C6: variants seen among roughly 807,000 people sequenced by gnomAD.
The protein encoded by C6 is complement C6.
Under a neutral mutation model 112.9 loss-of-function variants are expected in C6, and 101 were observed. The ratio of observed to expected loss-of-function variants is 0.89; its 90% CI spans 0.76 to 1.06. The LOEUF (loss-of-function observed/expected upper bound fraction) is 1.06, where lower values mean the gene tolerates loss of function less well. C6 is among the 50% of genes least tolerant of loss of function. The probability of loss-of-function intolerance (pLI) is 0.00; values close to 1 mark genes in which losing one functional copy is unlikely to be tolerated. For synonymous variants in C6, 431 were observed against 384.1 expected, an observed-to-expected ratio of 1.12 and a Z score of -1.43; for missense variants, 1,202 against 1,104.6, an observed-to-expected ratio of 1.09 and a Z score of -1.25.
intron 1 of C6, among the ~76,000 whole-genome samples, chr5:41,211,701 A>C (rs1365854429): frequency 6.6e-6 from 1 of 152,164 alleles, no homozygotes; most frequent in Non-Finnish European, 1.5e-5. Context: ...CCTTTTCAGC[A>C]AGAAAAACTA....
At chr5:41,148,728 G>A (rs1404718505) in intron 17 of C6, among the ~76,000 whole-genome samples, 1 of 152,182 alleles carries the variant, frequency 6.6e-6, no homozygotes, top group African/African-American at 2.4e-5. Flanking sequence ...GGTTCATGTG[G>A]GATGCTGTCT....
chr5:41,208,441 T>C (rs1319048509), intron 1 of C6, among the ~76,000 whole-genome samples: 1 of 152,056 alleles, frequency 6.6e-6, no homozygotes, highest in Non-Finnish European at 1.5e-5. Flanking sequence ...AGCTGGTTTT[T>C]TGAAAAGATT....
chr5:41,233,944 C>T (rs7443270), intron 1 of C6, among the ~76,000 whole-genome samples: 106,413 of 151,866 alleles, frequency 0.7, 37,410 homozygotes, highest in African/African-American at 0.73. Context: ...TATCAAATAT[C>T]GCTTAAATGA....
chr5:41,193,832 G>T (rs1169765977), intron 5 of C6, among the ~76,000 whole-genome samples: 1 of 143,462 alleles, frequency 7.0e-6, no homozygotes. Context: ...AAATATGTTG[G>T]ATAGCAGGAT....
chr5:41,184,168 GGATTCCAAAATTCC>G (rs1175861510), intron 6 of C6, among the ~76,000 whole-genome samples: 1 of 151,978 alleles, frequency 6.6e-6, no homozygotes, highest in Non-Finnish European at 1.5e-5. Context: ...TTTCACAATT[GGATTCCAAAATTCC>G]TGAAAAGTTA....
chr5:41,235,003 T>G (rs144041338), intron 1 of C6, among the ~76,000 whole-genome samples: 1 of 151,708 alleles, frequency 6.6e-6, no homozygotes, highest in Non-Finnish European at 1.5e-5. Context: ...GAAAGCAAGT[T>G]AGCAGCCAAA....
chr5:41,209,987 CA>C (rs1438413493), intron 1 of C6, among the ~76,000 whole-genome samples: 22 of 152,080 alleles, frequency 1.4e-4, no homozygotes, highest in African/African-American at 5.1e-4. Flanking sequence ...CTACAGTAAC[CA>C]AAACAGCATG....
rs544440031 is a variant in C6 at position 41,247,390 on chromosome 5, G to A, written c.-21+13804C>T. ...AATAACATTACTATACATTAATAATGTTCAAGCTGAGGACCAAATCAAGAA... is the reference window on the plus strand; with the variant it reads ...AATAACATTACTATACATTAATAATATTCAAGCTGAGGACCAAATCAAGAA... On this transcript the variant is annotated intron_variant, in intron 1 of 17. Transcript: ENST00000263413. Among the ~76,000 whole-genome samples the A allele has an allele frequency of 2.6e-5, 4 of 152,164 alleles. No homozygotes were observed. The East Asian group carries it at 7.7e-4, about 29-fold the overall frequency.
At chr5:41,217,093 C>T (rs1420477168), upstream of C6, among the ~76,000 whole-genome samples, 2 of 152,086 alleles carry the variant, frequency 1.3e-5, no homozygotes, top group Non-Finnish European at 2.9e-5. Context: ...TTTTCTTCCC[C>T]AATCACAAAT....
intron 4 of C6, among the ~76,000 whole-genome samples, chr5:41,198,898 C>T (rs1211574932): frequency 6.6e-6 from 1 of 152,130 alleles, no homozygotes; most frequent in African/African-American, 2.4e-5. Context: ...CAGCCATTCT[C>T]ATTCGGATTT....
chr5:41,154,816 G>A (rs986339286), intron 14 of C6, among the ~76,000 whole-genome samples, 156 bp downstream of exon 14: 3 of 152,182 alleles, frequency 2.0e-5, no homozygotes, highest in African/African-American at 7.2e-5. Flanking sequence ...TTTAGCAAAT[G>A]AGCCCTTCTA....
At chr5:41,227,927 G>C (rs1739625129) in intron 1 of C6, among the ~76,000 whole-genome samples, 1 of 152,028 alleles carries the variant, frequency 6.6e-6, no homozygotes, top group Admixed American at 6.6e-5. Context: ...TGCTCTTTTG[G>C]CTAAAGATTA....
intron 13 of C6, among the ~76,000 whole-genome samples, chr5:41,158,371 GA>G (rs1747121711): frequency 6.6e-6 from 1 of 152,108 alleles, no homozygotes; most frequent in African/African-American, 2.4e-5. Flanking sequence ...CTCAGACTCT[GA>G]AATAGCCAGA....
chr5:41,205,669 C>T (rs927105398), intron 1 of C6, among the ~76,000 whole-genome samples: 3 of 152,178 alleles, frequency 2.0e-5, no homozygotes, highest in East Asian at 1.9e-4. Context: ...GGGAGGCTGG[C>T]GGAGGGGTGC....
intron 1 of C6, among the ~76,000 whole-genome samples, chr5:41,244,175 G>A (rs1400384178): frequency 6.6e-6 from 1 of 152,172 alleles, no homozygotes; most frequent in Admixed American, 6.5e-5. Flanking sequence ...AGTTGCAAAA[G>A]CAACGTTGTA....
At chr5:41,199,957 G>A in intron 3 of C6, 45 bp from the exon 4 acceptor site, 2 of 1,601,686 alleles carry the variant, frequency 1.2e-6, no homozygotes, top group South Asian at 1.1e-5. Context: ...GCAGGGTCAA[G>A]GTCAAAATGT....
At chr5:41,255,605 T>A (rs1162096045) in intron 1 of C6, among the ~76,000 whole-genome samples, 1 of 152,196 alleles carries the variant, frequency 6.6e-6, no homozygotes, top group African/African-American at 2.4e-5. Context: ...ATATCTCCAC[T>A]TCTCTCTGCC....
At chr5:41,252,653 C>T (rs1342297080) in intron 1 of C6, among the ~76,000 whole-genome samples, 2 of 152,192 alleles carry the variant, frequency 1.3e-5, no homozygotes, top group East Asian at 3.8e-4. Flanking sequence ...GAGTCTCCTT[C>T]CCTTTCCAGG....
chr5:41,207,351 T>C (rs577106124), intron 1 of C6, among the ~76,000 whole-genome samples: 55 of 152,310 alleles, frequency 3.6e-4, no homozygotes, highest in Non-Finnish European at 6.6e-4. Context: ...AACATCATAA[T>C]GACGGGTTCA....
Sources: allele counts gnomAD v4.1 joint callset (sites outside exome capture counted in the v4.1 genomes callset), GRCh38; gene constraint gnomAD v4.1.1; transcripts MANE v1.5; gene names NCBI Gene and HGNC (gene_info 2026-07-23, HGNC 2026-07-21).